Variants in FGD5 observed in about 807,000 individuals in gnomAD.
The protein encoded by FGD5 is FYVE, RhoGEF and PH domain-containing protein 5.
Under a neutral mutation model 133.4 loss-of-function variants are expected in FGD5, and 28 were observed. That is an observed-to-expected ratio of 0.21 (90% confidence interval 0.16 to 0.29). The LOEUF (loss-of-function observed/expected upper bound fraction) is 0.29, where lower values mean the gene tolerates loss of function less well. Ranked by LOEUF, FGD5 falls within the 10% of genes least tolerant of loss-of-function variation. The pLI, the probability that FGD5 is intolerant of heterozygous loss-of-function variation, is 1.00. For missense variants in FGD5, 1,858 were observed against 1,895.2 expected (o/e 0.98, Z 0.36); for synonymous variants, 810 against 776.5 (o/e 1.04, Z -0.72).
At chr3:14,882,285 G>C in intron 4 of FGD5, 1 of 985,306 alleles carries the variant, frequency 1.0e-6, no homozygotes, top group Non-Finnish European at 1.2e-6. Context: ...TCATAAGAGG[G>C]TTTTAACTGG....
At chr3:14,842,766 A>G (rs888081381) in intron 1 of FGD5, among the ~76,000 whole-genome samples, 1 of 152,086 alleles carries the variant, frequency 6.6e-6, no homozygotes, top group Non-Finnish European at 1.5e-5. Context: ...GCTAGACTGT[A>G]TTCTCCTAGG....
rs555130760 is a variant in FGD5, at chr3:14,860,620, A to G, written c.2526-3508A>G. On this transcript the variant is annotated intron_variant, in intron 1 of 19. Transcript: ENST00000285046. ...GTGAGGTCTGTGCACCTCCAATATG[A>G]GCAAGATAACTTTAGTCAAACACGT... is the stretch of plus-strand genomic sequence containing the variant. Among the ~76,000 whole-genome samples the G allele has an allele frequency of 3.9e-5, 6 of 152,320 alleles. No homozygotes were observed. In the East Asian group the frequency reaches 1.2e-3, roughly 29 times the overall value.
intron 13 of FGD5, among the ~76,000 whole-genome samples, chr3:14,920,187 G>T (rs967533329): frequency 4.6e-5 from 7 of 152,066 alleles, no homozygotes; most frequent in Admixed American, 1.3e-4. Flanking sequence ...GACGTGCATG[G>T]CAGGGGTCAG....
chr3:14,858,198 C>T (rs2037323283), intron 1 of FGD5, among the ~76,000 whole-genome samples: 2 of 152,124 alleles, frequency 1.3e-5, no homozygotes, highest in South Asian at 2.1e-4. Context: ...TTTGATCCCT[C>T]CTTGTGTTAG....
chr3:14,907,772 A>G, intron 10 of FGD5, 61 bp downstream of exon 10: 3 of 1,533,248 alleles, frequency 2.0e-6, no homozygotes, highest in East Asian at 4.5e-5. Context: ...GATAAGCCCC[A>G]TTGTTCACTG....
intron 2 of FGD5, among the ~76,000 whole-genome samples, chr3:14,874,899 G>A (rs1258381795): frequency 6.6e-6 from 1 of 152,206 alleles, no homozygotes; most frequent in Non-Finnish European, 1.5e-5. Context: ...TCCTGGGGAA[G>A]CCAGGGGGCC....
At chr3:14,852,747 C>T (rs563532306) in intron 1 of FGD5, among the ~76,000 whole-genome samples, 52 of 152,196 alleles carry the variant, frequency 3.4e-4, no homozygotes, top group Non-Finnish European at 6.3e-4. Context: ...AAAAGTCTCT[C>T]CTTCGGTCAT....
Position 14,864,216 on chromosome 3 carries a change from G to A in FGD5, c.2614G>A (p.Glu872Lys). 1.2e-6 allele frequency: 2 copies of A among 1,613,460 alleles called. No homozygotes were observed. The highest frequency in any genetic ancestry group is 1.7e-6 in the Non-Finnish European group (2 of 1,179,878). Residue 872 changes from glutamate (E) to lysine (K), a missense_variant, in exon 2 of 20, where the codon GAG becomes AAG. Glu to Lys is a moderately conservative substitution (Grantham distance 56, BLOSUM62 1). Coordinates refer to ENST00000285046, the MANE Select transcript of FGD5 (RefSeq NM_152536.4). ...LTSDEEQRSS[E>K]EEDSASRDPS... is the part of the protein sequence containing the mutation. The stretch of plus-strand genomic sequence containing the variant: ...GTCGGATGAAGAGCAGAGAAGCTCG[G>A]AGGAGGAGGACAGTGCTTCAAGAGA...
At chr3:14,853,293 G>A (rs78637744) in intron 1 of FGD5, among the ~76,000 whole-genome samples, 13,137 of 152,198 alleles carry the variant, frequency 0.086, 769 homozygotes, top group East Asian at 0.31. Context: ...ATTCAGCAAA[G>A]GAGTGGAGCG....
intron 1 of FGD5, among the ~76,000 whole-genome samples, chr3:14,838,955 C>T (rs2036866841): frequency 6.6e-6 from 1 of 152,214 alleles, no homozygotes. Context: ...TATATTCTGG[C>T]CCTGTCTTTG....
intron 1 of FGD5, among the ~76,000 whole-genome samples, chr3:14,858,700 A>G (rs1435093969): frequency 6.6e-6 from 1 of 152,190 alleles, no homozygotes; most frequent in Non-Finnish European, 1.5e-5. Flanking sequence ...CATACTGAGC[A>G]GAGTACTCAT....
Position 14,918,804 on chromosome 3 carries a change from T to C in FGD5, c.3540T>C (p.Thr1180=). 1 of 1,613,952 alleles carries C rather than the reference T, an allele frequency of 6.2e-7. No homozygotes were observed. The highest frequency in any genetic ancestry group is 8.5e-7 in the Non-Finnish European group (1 of 1,179,876). ...TGCCCTACGCTCTAAAGATTGAGAC[T>C]TCCGAGTCCTGCCTGATGCTGTCTG... ...EKVPYALKIE[T]SESCLMLSAS... The change falls in exon 13 of 20, where the codon ACT becomes ACC. Residue 1180 remains threonine, a synonymous_variant. Coordinates refer to ENST00000285046, the MANE Select transcript of FGD5 (RefSeq NM_152536.4).
intron 4 of FGD5, among the ~76,000 whole-genome samples, chr3:14,887,273 T>C (rs974726924): frequency 1.3e-5 from 2 of 152,158 alleles, no homozygotes; most frequent in African/African-American, 4.8e-5. Flanking sequence ...CGTACCCTTG[T>C]TCCCAGTGGC....
chr3:14,925,996 A>C (rs2038795728), intron 17 of FGD5, 74 bp from the exon 18 acceptor site: 1 of 1,585,732 alleles, frequency 6.3e-7, no homozygotes. Context: ...TTGCAGTGTC[A>C]TTTTGAATTG....
Position 14,819,221 on chromosome 3 carries a change from C to G in FGD5, c.150C>G (p.Pro50=). The change falls in exon 1 of 20, where the codon CCC becomes CCG. Residue 50 remains proline, a synonymous_variant. Transcript: ENST00000285046. The surrounding 1 kb of genome is among the most constrained non-coding windows in gnomAD (Gnocchi z 4.1). ...TAGACAGGGGGCTTGATGAGGGGCCCCGGTCCATCCCAAAGTGCTCTGAGT... is the reference window on the plus strand; with the variant it reads ...TAGACAGGGGGCTTGATGAGGGGCCGCGGTCCATCCCAAAGTGCTCTGAGT... ...PCVDRGLDEG[P]RSIPKCSESE... is the part of the protein sequence containing the mutation. The G allele has an allele frequency of 6.5e-7, 1 of 1,548,196 alleles. No individual in the cohort carries two copies. Among genetic ancestry groups the G allele is most frequent in the African/African-American group, 1.4e-5 (1 of 73,034 alleles).
intron 4 of FGD5, among the ~76,000 whole-genome samples, chr3:14,896,457 G>A (rs986381839): frequency 6.6e-6 from 1 of 151,806 alleles, no homozygotes; most frequent in Non-Finnish European, 1.5e-5. Context: ...ACAGACTAGA[G>A]AACCCAGATG....
At chr3:14,837,335 C>T (rs1483886114) in intron 1 of FGD5, among the ~76,000 whole-genome samples, 2 of 152,142 alleles carry the variant, frequency 1.3e-5, no homozygotes, top group African/African-American at 4.8e-5. Context: ...TGCCTGTAAC[C>T]CCAGGAGGGG....
In FGD5 at chr3:14,819,744, G is replaced by A; in HGVS notation, c.673G>A (p.Asp225Asn). Reference protein sequence around the residue: ...EDDEEGCASTDPAGADEGSGP... With the variant: ...EDDEEGCASTNPAGADEGSGP... ...TGATGAGGAAGGCTGTGCCAGCACA[G>A]ACCCAGCAGGGGCAGATGAGGGTTC... The change falls in exon 1 of 20, where the codon GAC (aspartate) becomes AAC (asparagine). Residue 225 changes from aspartate (D) to asparagine (N), a missense_variant. By Grantham distance (23) the Asp-to-Asn change is conservative. This residue lies in a region of FGD5 where 1,824 missense variants were observed against 1,848.9 expected (regional missense o/e 0.99). Coordinates refer to ENST00000285046, the MANE Select transcript of FGD5 (RefSeq NM_152536.4). This position sits in a 1 kb window ranked among gnomAD's most constrained non-coding sequence, Gnocchi z 4.1. 6.5e-7 allele frequency: 1 copy of A among 1,537,770 alleles called. No individual in the cohort carries two copies. The highest frequency in any genetic ancestry group is 8.8e-7 in the Non-Finnish European group (1 of 1,140,498).
chr3:14,844,193 T>A (rs2036981740), intron 1 of FGD5, among the ~76,000 whole-genome samples: 1 of 81,842 alleles, frequency 1.2e-5, no homozygotes, highest in African/African-American at 4.2e-5. Flanking sequence ...TTCTCACATC[T>A]TAATAGGCAT....
Sources: gnomAD v4.1 joint callset for allele counts (sites outside exome capture counted in the v4.1 genomes callset) on GRCh38, gnomAD v4.1.1 for gene constraint, gnomAD v4.1.1 regional missense constraint, Gnocchi (gnomAD v3.1) non-coding constraint, MANE v1.5 for transcripts, NCBI Gene and HGNC (gene_info 2026-07-23, HGNC 2026-07-21) for gene names.